The following INPP4B variants were observed in gnomAD, a reference collection of about 807,000 sequenced individuals.
INPP4B encodes inositol polyphosphate-4-phosphatase type II B, also known as inositol polyphosphate 4-phosphatase type II.
A neutral mutation model predicts 122.5 loss-of-function variants in INPP4B; 55 were observed. That is an observed-to-expected ratio of 0.45 (90% confidence interval 0.36 to 0.56). The LOEUF (loss-of-function observed/expected upper bound fraction) is 0.56. Among genes scored for constraint, INPP4B ranks in the 20% least tolerant of loss-of-function variants. INPP4B has a pLI of 0.00. For missense variants in INPP4B, 1,000 were observed against 1,097.7 expected (o/e 0.91, Z 1.26); for synonymous variants, 403 against 388.7 (o/e 1.04, Z -0.43).
Position 142,218,293 on chromosome 4 carries a change from C to T in INPP4B, c.837-9267G>A, listed in dbSNP as rs568879100. Among the ~76,000 whole-genome samples, 144 of 152,280 alleles carry T rather than the reference C, an allele frequency of 9.5e-4. 1 individual carries two copies. The South Asian group carries it at 0.016, about 17-fold the overall frequency. On this transcript the variant is annotated intron_variant, in intron 12 of 25. Coordinates refer to ENST00000262992, the MANE Select transcript of INPP4B (RefSeq NM_001101669.3). ...CCTGACTTGTTCAAAAGAAAAACAA[C>T]TATAGTGATGTTCGACTTGTCTAAG...
chr4:142,514,030 G>A (rs1053401573), intron 2 of INPP4B, among the ~76,000 whole-genome samples: 3 of 152,150 alleles, frequency 2.0e-5, no homozygotes, highest in African/African-American at 7.2e-5. Context: ...GAGAAAGGGG[G>A]AAGTGCTTGC....
intron 2 of INPP4B, among the ~76,000 whole-genome samples, chr4:142,477,102 G>A (rs572392380): frequency 6.6e-6 from 1 of 152,172 alleles, no homozygotes; most frequent in Admixed American, 6.6e-5. Context: ...ACACACTCTT[G>A]TACCACTGCA....
rs552493977 is a variant in INPP4B, at chr4:142,199,868, C to T, written c.1073-6673G>A. On this transcript the variant is annotated intron_variant, in intron 14 of 25. Transcript: ENST00000262992. ...AGGCTAACCTTGATGCATTGGAGTG[C>T]CTGCCACTACTGACAGTTAATTCTC... is the stretch of plus-strand genomic sequence containing the variant. 2.6e-5 allele frequency among the ~76,000 whole-genome samples: 4 copies of T among 152,094 alleles called. 1 individual carries two copies. Among genetic ancestry groups the T allele is most frequent in the South Asian group, 4.1e-4 (2 of 4,822 alleles).
intron 2 of INPP4B, among the ~76,000 whole-genome samples, chr4:142,561,670 C>T (rs1390465873): frequency 1.3e-5 from 2 of 152,154 alleles, no homozygotes; most frequent in African/African-American, 4.8e-5. Context: ...CCTCCCGCCT[C>T]GGCCTCCCAA....
At chr4:142,408,169 G>A (rs1384545109) in intron 5 of INPP4B, among the ~76,000 whole-genome samples, 1 of 151,914 alleles carries the variant, frequency 6.6e-6, no homozygotes, top group African/African-American at 2.4e-5. Context: ...ATTGTTTTGT[G>A]AAGATATTAC....
chr4:142,097,647 T>A (rs1021879842), intron 23 of INPP4B, among the ~76,000 whole-genome samples: 13 of 152,268 alleles, frequency 8.5e-5, no homozygotes, highest in African/African-American at 3.1e-4. Context: ...TAGAATTATT[T>A]ACTTTCTGGC....
chr4:142,072,017 G>A (rs1245234079), intron 25 of INPP4B, among the ~76,000 whole-genome samples: 1 of 152,082 alleles, frequency 6.6e-6, no homozygotes, highest in Non-Finnish European at 1.5e-5. Flanking sequence ...AAATCATGCT[G>A]CTATAAAGAC....
intron 12 of INPP4B, among the ~76,000 whole-genome samples, chr4:142,217,653 A>G (rs933434591): frequency 1.3e-5 from 2 of 152,192 alleles, no homozygotes; most frequent in African/African-American, 4.8e-5. Context: ...GTACATATCA[A>G]CTTGGTTGGA....
At chr4:142,161,290 G>T (rs892490150) in intron 16 of INPP4B, among the ~76,000 whole-genome samples, 2 of 151,920 alleles carry the variant, frequency 1.3e-5, no homozygotes, top group Admixed American at 1.3e-4. Context: ...CAACAATAAA[G>T]AACTTTACAG....
chr4:142,542,758 A>C (rs1829090093), intron 2 of INPP4B, among the ~76,000 whole-genome samples: 1 of 152,186 alleles, frequency 6.6e-6, no homozygotes, highest in African/African-American at 2.4e-5. Context: ...ACTATAAAGC[A>C]ATAAAGCCAT....
intron 16 of INPP4B, among the ~76,000 whole-genome samples, chr4:142,162,006 C>A (rs76384501): frequency 0.01 from 1,539 of 151,862 alleles, 25 homozygotes; most frequent in African/African-American, 0.035. Flanking sequence ...CCTCTTCTTC[C>A]CTAACCTCAA....
intron 15 of INPP4B, among the ~76,000 whole-genome samples, chr4:142,190,223 T>TG (rs1442645867): frequency 6.6e-6 from 1 of 150,430 alleles, no homozygotes; most frequent in Admixed American, 6.6e-5. Flanking sequence ...TTTTTTTTGG[T>TG]GGGGGGCAAT....
At chr4:142,418,380 T>C (rs1185324476) in intron 5 of INPP4B, among the ~76,000 whole-genome samples, 1 of 152,136 alleles carries the variant, frequency 6.6e-6, no homozygotes, top group Non-Finnish European at 1.5e-5. Context: ...CCCATAGATA[T>C]TTATTGAACG....
At chr4:142,040,777 A>C (rs10519621) in intron 25 of INPP4B, among the ~76,000 whole-genome samples, 15,907 of 152,210 alleles carry the variant, frequency 0.1, 1,527 homozygotes, top group African/African-American at 0.26. Context: ...CTAGTGTCTT[A>C]AACATTCTGT....
At chr4:142,721,481 T>G (rs1764670911) in intron 2 of INPP4B, among the ~76,000 whole-genome samples, 1 of 152,064 alleles carries the variant, frequency 6.6e-6, no homozygotes, top group Non-Finnish European at 1.5e-5. Flanking sequence ...GTTCCTACAG[T>G]GGTGTTATAA....
At chr4:142,292,566 T>TTTAAACTTTTAAA (rs1413542127) in intron 9 of INPP4B, among the ~76,000 whole-genome samples, 1 of 152,210 alleles carries the variant, frequency 6.6e-6, no homozygotes, top group Non-Finnish European at 1.5e-5. Context: ...AAGTTTAGGA[T>TTTAAACTTTTAAA]TTAAACTTTT....
chr4:142,790,932 C>A (rs1439816930), intron 1 of INPP4B, among the ~76,000 whole-genome samples: 1 of 152,060 alleles, frequency 6.6e-6, no homozygotes, highest in African/African-American at 2.4e-5. Context: ...CTCCCACTCT[C>A]TAACACCAAA....
At chr4:142,358,650 T>TAAAAA (rs11443003) in intron 7 of INPP4B, among the ~76,000 whole-genome samples, 6 of 117,634 alleles carry the variant, frequency 5.1e-5, no homozygotes, top group Admixed American at 9.2e-5. Context: ...CAGTGATTTA[T>TAAAAA]AAAAAAAAAA....
At chr4:142,072,391 C>G (rs13117259) in intron 25 of INPP4B, among the ~76,000 whole-genome samples, 3 of 151,172 alleles carry the variant, frequency 2.0e-5, no homozygotes, top group African/African-American at 7.3e-5. Flanking sequence ...ATGTAAATGA[C>G]GGGTGCAGCA....
Sources: allele counts gnomAD v4.1 joint callset (sites outside exome capture counted in the v4.1 genomes callset), GRCh38; gene constraint gnomAD v4.1.1; transcripts MANE v1.5; gene names NCBI Gene and HGNC (gene_info 2026-07-23, HGNC 2026-07-21).